ZBTB10: variants seen among roughly 807,000 people sequenced by gnomAD.
ZBTB10 encodes the protein zinc finger and BTB domain containing 10.
In ZBTB10, 32 loss-of-function variants were observed where a neutral mutation model predicts 76.4. That is an observed-to-expected ratio of 0.42 (90% CI 0.32 to 0.56). The LOEUF (loss-of-function observed/expected upper bound fraction) is 0.56. Ranked by LOEUF, ZBTB10 falls within the 20% of genes least tolerant of loss-of-function variation. The probability of loss-of-function intolerance (pLI) is 0.14; values close to 1 mark genes in which losing one functional copy is unlikely to be tolerated. For synonymous variants in ZBTB10, 523 were observed against 432.9 expected (o/e 1.21, Z -2.58); for missense variants, 1,057 against 1,098.5 (o/e 0.96, Z 0.53).
At chr8:80,494,922 CAAAAAAAA>C (rs35629668) in intron 1 of ZBTB10, among the ~76,000 whole-genome samples, 2 of 105,218 alleles carry the variant, frequency 1.9e-5, no homozygotes, top group African/African-American at 6.0e-5. Flanking sequence ...GACACTGTCT[CAAAAAAAA>C]AAAAAAAAAA....
intron 3 of ZBTB10, among the ~76,000 whole-genome samples, chr8:80,516,551 G>C (rs181318695): frequency 6.6e-6 from 1 of 152,306 alleles, no homozygotes; most frequent in East Asian, 1.9e-4. Flanking sequence ...CCCTCACACA[G>C]AAATGCTTCA....
At chr8:80,518,695 G>C (rs903148411) in intron 4 of ZBTB10, 87 bp from the exon 5 acceptor site, 2 of 1,486,802 alleles carry the variant, frequency 1.3e-6, no homozygotes, top group Non-Finnish European at 1.8e-6. Context: ...CATAATTGCT[G>C]TTCTCAGAGA....
chr8:80,502,876 C>T (rs1022761411), intron 2 of ZBTB10, among the ~76,000 whole-genome samples: 7 of 152,124 alleles, frequency 4.6e-5, no homozygotes, highest in Non-Finnish European at 8.8e-5. Flanking sequence ...GCCAACCCTT[C>T]GTATATAGCA....
rs1815886491 is a variant in ZBTB10 at position 80,500,173 on chromosome 8, C to G, written c.1652C>G (p.Ser551Cys). 1 of 1,611,460 alleles carries G rather than the reference C, an allele frequency of 6.2e-7. No individual in the cohort carries two copies. Among genetic ancestry groups the G allele is most frequent in the Non-Finnish European group, 8.5e-7 (1 of 1,178,468 alleles). Residue 551 changes from serine (S) to cysteine (C), a missense_variant, in exon 2 of 6, where the codon TCT (serine) becomes TGT (cysteine). By Grantham distance (112) the Ser-to-Cys change is moderately radical (BLOSUM62 -1). Transcript: ENST00000455036. ...DGSPEMAENE[S>C]EGQTKVFIWN... is the part of the protein sequence containing the mutation. ...TCTCCTGAAATGGCTGAAAATGAATCTGAAGGTCAAACAAAAGTGTTTATT... is the reference window on the plus strand; with the variant it reads ...TCTCCTGAAATGGCTGAAAATGAATGTGAAGGTCAAACAAAAGTGTTTATT...
At chr8:80,500,524 A>T (rs931331362) in intron 2 of ZBTB10, 142 bp downstream of exon 2, 1 of 831,908 alleles carries the variant, frequency 1.2e-6, no homozygotes, top group African/African-American at 1.7e-5. Context: ...ACGTCATTCA[A>T]ATGCATAACA....
intron 1 of ZBTB10, among the ~76,000 whole-genome samples, chr8:80,494,385 C>T (rs544933453): frequency 2.6e-5 from 4 of 152,290 alleles, no homozygotes; most frequent in African/African-American, 9.6e-5. Context: ...CCTCTACCCC[C>T]GCAAAAGTGT....
At chr8:80,500,772 T>C (rs913480994) in intron 2 of ZBTB10, among the ~76,000 whole-genome samples, 1 of 152,202 alleles carries the variant, frequency 6.6e-6, no homozygotes, top group Admixed American at 6.5e-5. Flanking sequence ...CCCCTTAACC[T>C]TTTTTATTTT....
At chr8:80,500,966 A>G (rs1026791299) in intron 2 of ZBTB10, among the ~76,000 whole-genome samples, 6 of 152,126 alleles carry the variant, frequency 3.9e-5, no homozygotes, top group African/African-American at 1.4e-4. Context: ...TCCCAGGTTC[A>G]AACGATTCTC....
chr8:80,517,831 C>T (rs1262039505), intron 3 of ZBTB10, among the ~76,000 whole-genome samples: 1 of 137,338 alleles, frequency 7.3e-6, no homozygotes, highest in East Asian at 2.3e-4. Context: ...GGCGTCTGCA[C>T]AATTAAATGA....
rs549042580 is a variant in ZBTB10 at position 80,522,224 on chromosome 8, A to G, written c.*2696A>G. The stretch of plus-strand genomic sequence containing the variant: ...CTTACAGTAAAATTTCAGGAAGTTG[A>G]TAGATACTAAGAACTTATGATTGGT... On this transcript the variant is annotated 3_prime_UTR_variant, in exon 6 of 6. Transcript: ENST00000455036. 42 of 152,032 alleles carry G rather than the reference A, an allele frequency of 2.8e-4. No individual in the cohort carries two copies. The highest frequency in any genetic ancestry group is 9.9e-4 in the African/African-American group (41 of 41,552). 9.4% of individuals were successfully genotyped at this position (152,032 alleles called of 1,614,324 possible).
intron 1 of ZBTB10, among the ~76,000 whole-genome samples, chr8:80,489,013 T>G (rs1175723538): frequency 6.6e-6 from 1 of 151,156 alleles, no homozygotes; most frequent in Non-Finnish European, 1.5e-5. Flanking sequence ...GGGTTTTTGT[T>G]GTTGTTTTGC....
intron 1 of ZBTB10, among the ~76,000 whole-genome samples, chr8:80,497,403 T>G (rs1206913765): frequency 6.6e-6 from 1 of 151,940 alleles, no homozygotes; most frequent in Non-Finnish European, 1.5e-5. Flanking sequence ...CTTAACAGTT[T>G]TTGCAGAATT....
rs1483995006 is a variant in ZBTB10, at chr8:80,524,556, TTAGTAA to T, written c.*5032_*5037del. ...ACTAGCTTTTTAGGTTATTTCAAAG[TTAGTAA>T]TAGAGCAAAGGAAATCAGAACTGGC... is the stretch of plus-strand genomic sequence containing the variant. On this transcript the variant is annotated 3_prime_UTR_variant, in exon 6 of 6. Transcript: ENST00000455036. 3.3e-5 allele frequency: 5 copies of T among 152,004 alleles called. No homozygotes were observed. The highest frequency in any genetic ancestry group is 7.4e-5 in the Non-Finnish European group (5 of 67,938). 9.4% of individuals were successfully genotyped at this position (152,004 alleles called of 1,614,324 possible).
rs1816417425 is a variant in ZBTB10, at chr8:80,519,997, TA to T, written c.*471del. The stretch of plus-strand genomic sequence containing the variant: ...TTATTTTTATTAATTTTATTTTTTT[TA>T]ATACAGATTTTCAGTGAGGGGCTTT... On this transcript the variant is annotated 3_prime_UTR_variant, in exon 6 of 6. Transcript: ENST00000455036. 1 of 152,544 alleles carries T rather than the reference TA, an allele frequency of 6.6e-6. No individual in the cohort carries two copies. The highest frequency in any genetic ancestry group is 1.5e-5 in the Non-Finnish European group (1 of 68,018). The allele number at this position is 152,544 out of a possible 1,614,324, so 9.4% of individuals were successfully genotyped here.
intron 3 of ZBTB10, among the ~76,000 whole-genome samples, chr8:80,515,512 G>GAAGAA (rs1241610908): frequency 6.6e-6 from 1 of 152,258 alleles, no homozygotes; most frequent in South Asian, 2.1e-4. Context: ...CAGATGTCTT[G>GAAGAA]AATTTTAAAG....
intron 2 of ZBTB10, among the ~76,000 whole-genome samples, chr8:80,510,144 G>A (rs925518975): frequency 7.9e-5 from 12 of 152,290 alleles, no homozygotes; most frequent in Admixed American, 2.0e-4. Flanking sequence ...TAAAGGGAAG[G>A]TAATAAAGTG....
intron 2 of ZBTB10, among the ~76,000 whole-genome samples, chr8:80,512,091 A>G (rs1248060018): frequency 1.3e-5 from 2 of 152,100 alleles, no homozygotes; most frequent in Admixed American, 6.5e-5. Flanking sequence ...ATTAAATAAC[A>G]TTTACCACAT....
In ZBTB10 at chr8:80,499,938, G is replaced by C; in HGVS notation, c.1417G>C (p.Glu473Gln). 1 of 1,613,916 alleles carries C rather than the reference G, an allele frequency of 6.2e-7. No individual in the cohort carries two copies. The highest frequency in any genetic ancestry group is 2.2e-5 in the East Asian group (1 of 44,890). Reference sequence around the variant, plus strand: ...TATAAGCATTAAATCAGAAGCTCCAGAGTCTGTAGTTGTGGACTATAATAA... The same window carrying C: ...TATAAGCATTAAATCAGAAGCTCCACAGTCTGTAGTTGTGGACTATAATAA... ...LNISIKSEAP[E>Q]SVVVDYNNRK... The change falls in exon 2 of 6, where the codon GAG (glutamate) becomes CAG (glutamine). Residue 473 changes from glutamate (E) to glutamine (Q), a missense_variant. Physicochemically the swap from Glu to Gln is conservative, Grantham distance 29. This residue lies in a region of ZBTB10 where 306 missense variants were observed against 297.5 expected (regional missense o/e 1.03). Transcript: ENST00000455036.
At position 80,486,960 on chromosome 8, in the gene ZBTB10, A is replaced by AGCGCCGCCC; in HGVS notation, c.155_163dup (p.Pro52_Ala54dup). 6.6e-7 allele frequency: 1 copy of AGCGCCGCCC among 1,512,240 alleles called. No individual in the cohort carries two copies. The highest frequency in any genetic ancestry group is 8.8e-7 in the Non-Finnish European group (1 of 1,135,344). The allele number at this position is 1,512,240 out of a possible 1,614,324, so 93.7% of individuals were successfully genotyped here. ...CCCAGCCGAGACAGCCCCCGCCGCC[A>AGCGCCGCCC]GCGCCGCCCGCGCTTCAGCCGCCTA... is the stretch of plus-strand genomic sequence containing the variant. On this transcript the variant is annotated inframe_insertion, in exon 1 of 6. Transcript: ENST00000455036.
Sources: allele counts gnomAD v4.1 joint callset (sites outside exome capture counted in the v4.1 genomes callset), GRCh38; gene constraint gnomAD v4.1.1; regional missense constraint gnomAD v4.1.1; transcripts MANE v1.5; gene names NCBI Gene and HGNC (gene_info 2026-07-23, HGNC 2026-07-21).